KDM2A: variants seen among roughly 807,000 people sequenced by gnomAD.
The protein encoded by KDM2A is lysine-specific demethylase 2A.
A neutral mutation model predicts 137.3 loss-of-function variants in KDM2A; 3 were observed. The ratio of observed to expected loss-of-function variants is 0.02; its 90% CI spans 0.01 to 0.06. KDM2A has a LOEUF of 0.06. Among genes scored for constraint, KDM2A ranks in the 10% least tolerant of loss-of-function variants. The pLI is 1.00. For synonymous variants in KDM2A, 512 were observed against 541.5 expected, an observed-to-expected ratio of 0.95 and a Z score of 0.76; for missense variants, 738 against 1,510.6, an observed-to-expected ratio of 0.49 and a Z score of 8.48.
chr11:67,184,120 G>A (rs1050913426), intron 5 of KDM2A, among the ~76,000 whole-genome samples: 1 of 148,416 alleles, frequency 6.7e-6, no homozygotes, highest in Admixed American at 6.7e-5. Flanking sequence ...AAAAAAGGCA[G>A]GTGGGGCAGT....
Position 67,245,513 on chromosome 11 carries a change from C to T in KDM2A, c.1833+55C>T. The T allele has an allele frequency of 1.9e-6, 3 of 1,576,428 alleles. No individual in the cohort carries two copies. Among genetic ancestry groups the T allele is most frequent in the Non-Finnish European group, 1.7e-6 (2 of 1,149,994 alleles). ...GGGAGGGGTGGCAGTGCCAAAGGAA[C>T]TGAAATACATATAGTGTAGAGTTAA... On this transcript the variant is annotated intron_variant, in intron 14 of 20. Transcript: ENST00000529006. This position sits in a 1 kb window ranked among gnomAD's most constrained non-coding sequence, Gnocchi z 4.1.
intron 5 of KDM2A, among the ~76,000 whole-genome samples, chr11:67,206,419 C>T (rs987732329): frequency 1.3e-5 from 2 of 151,908 alleles, no homozygotes; most frequent in African/African-American, 2.4e-5. Context: ...GGTGACACAG[C>T]GAGACTGTCT....
chr11:67,237,015 G>A (rs760065003), intron 12 of KDM2A, among the ~76,000 whole-genome samples: 1 of 152,204 alleles, frequency 6.6e-6, no homozygotes, highest in Admixed American at 6.5e-5. Context: ...GAGAAAATGA[G>A]TGAGAGTGGC....
intron 2 of KDM2A, among the ~76,000 whole-genome samples, chr11:67,129,745 A>G (rs1486517541): frequency 5.0e-5 from 7 of 140,304 alleles, no homozygotes; most frequent in South Asian, 2.2e-4. Flanking sequence ...AAAAAAAAAA[A>G]AAAAAGAAAA....
chr11:67,226,549 C>T (rs1261853530), intron 10 of KDM2A, among the ~76,000 whole-genome samples: 8 of 151,952 alleles, frequency 5.3e-5, no homozygotes, highest in Non-Finnish European at 1.2e-4. Flanking sequence ...GGTGAAACCC[C>T]GTCTCTACTA....
chr11:67,244,857 G>C (rs1319032463), intron 13 of KDM2A, among the ~76,000 whole-genome samples: 1 of 152,038 alleles, frequency 6.6e-6, no homozygotes, highest in Non-Finnish European at 1.5e-5. Flanking sequence ...ATGGTGGTGG[G>C]CACCTGTAGT....
At chr11:67,246,865 A>C (rs1463486840) in intron 15 of KDM2A, among the ~76,000 whole-genome samples, 1 of 151,612 alleles carries the variant, frequency 6.6e-6, no homozygotes, top group Non-Finnish European at 1.5e-5. Context: ...ATATAGTAGC[A>C]AATCTATAAC....
Position 67,252,853 on chromosome 11 carries a change from G to T in KDM2A, c.2928G>T (p.Leu976=). The T allele has an allele frequency of 6.2e-7, 1 of 1,603,966 alleles. No homozygotes were observed. Among genetic ancestry groups the T allele is most frequent in the South Asian group, 1.1e-5 (1 of 90,710 alleles). ...KKQLTWLVNR[L]PGLKDLLLAG... is the part of the protein sequence containing the mutation. Reference sequence around the variant, plus strand: ...AACTGACATGGCTCGTCAATAGGCTGCCAGGTAAGTGAGCAGCCCTGCCGC... The same window carrying T: ...AACTGACATGGCTCGTCAATAGGCTTCCAGGTAAGTGAGCAGCCCTGCCGC... Residue 976 remains leucine, a synonymous_variant, in exon 18 of 21, where the codon CTG becomes CTT. Transcript: ENST00000529006.
In KDM2A at chr11:67,170,413, T is replaced by C. The variant is rs535298208; in HGVS notation, c.43-9666T>C. On this transcript the variant is annotated intron_variant, in intron 2 of 20. Transcript: ENST00000529006. The stretch of plus-strand genomic sequence containing the variant: ...TTTTTTTTTTTTCTTTCTTTCTTTT[T>C]TTTTTTTTTTTTTTTTTGAGATGGA... Among the ~76,000 whole-genome samples, 29 of 136,144 alleles carry C rather than the reference T, an allele frequency of 2.1e-4. No homozygotes were observed. The East Asian group carries it at 3.9e-3, about 18-fold the overall frequency. 89.3% of individuals were successfully genotyped at this position (136,144 alleles called of 152,430 possible). A position where few individuals can be genotyped will look rare whatever the true frequency, so the allele number is the denominator to read the frequency against.
intron 3 of KDM2A, 178 bp downstream of exon 3, chr11:67,180,395 A>T (rs1857065110): frequency 1.8e-6 from 1 of 543,004 alleles, no homozygotes. Context: ...CCACCCTGTG[A>T]GTCATTCTCT....
intron 18 of KDM2A, 122 bp downstream of exon 18, chr11:67,252,979 C>A: frequency 4.6e-6 from 5 of 1,092,646 alleles, no homozygotes; most frequent in Non-Finnish European, 6.4e-6. Flanking sequence ...AGTCCCATGC[C>A]ATTGTTGCTT....
intron 5 of KDM2A, among the ~76,000 whole-genome samples, chr11:67,202,888 C>T (rs1467205591): frequency 2.7e-5 from 4 of 150,356 alleles, no homozygotes; most frequent in Admixed American, 6.7e-5. Flanking sequence ...CCAGCTACTC[C>T]GGAGGCTAAG....
At position 67,129,173 on chromosome 11, in the gene KDM2A, A is replaced by C. The variant is rs1855794948; in HGVS notation, c.42+7815A>C. ...ATTGGGTCTTGCAGTGTAGATAAGAAACAGAGACCTAAACTATAACAAATA... is the reference window on the plus strand; with the variant it reads ...ATTGGGTCTTGCAGTGTAGATAAGACACAGAGACCTAAACTATAACAAATA... On this transcript the variant is annotated intron_variant, in intron 2 of 20. Transcript: ENST00000529006. Among the ~76,000 whole-genome samples, 3 of 152,170 alleles carry C rather than the reference A, an allele frequency of 2.0e-5. No homozygotes were observed. The South Asian group carries it at 6.2e-4, about 32-fold the overall frequency.
At chr11:67,126,199 T>C (rs1565368776) in intron 2 of KDM2A, among the ~76,000 whole-genome samples, 1 of 147,798 alleles carries the variant, frequency 6.8e-6, no homozygotes, top group Non-Finnish European at 1.5e-5. Flanking sequence ...TGAGCTGAGA[T>C]CATGCCGTTG....
chr11:67,208,448 C>T (rs1387133565), intron 6 of KDM2A, among the ~76,000 whole-genome samples: 4 of 151,606 alleles, frequency 2.6e-5, no homozygotes, highest in African/African-American at 9.7e-5. Flanking sequence ...GAACATTGAC[C>T]TTTGGATGTA....
intron 10 of KDM2A, among the ~76,000 whole-genome samples, chr11:67,224,868 T>G (rs1169471213): frequency 1.6e-5 from 2 of 122,610 alleles, no homozygotes; most frequent in East Asian, 5.0e-4. Flanking sequence ...GGAGACAGAG[T>G]TTCGCTGCTG....
At chr11:67,127,561 T>C (rs559612163) in intron 2 of KDM2A, among the ~76,000 whole-genome samples, 1 of 152,290 alleles carries the variant, frequency 6.6e-6, no homozygotes, top group South Asian at 2.1e-4. Flanking sequence ...CATATAATTA[T>C]GAAATAGCTA....
At chr11:67,219,558 AAT>A in intron 10 of KDM2A, 155 bp downstream of exon 10, 11 of 420,070 alleles carry the variant, frequency 2.6e-5, no homozygotes, top group Non-Finnish European at 3.8e-5. Context: ...TTTTAAATTT[AAT>A]TTTTTTTTTT....
chr11:67,141,683 ATATAT>A (rs796219038), intron 2 of KDM2A, among the ~76,000 whole-genome samples: 1,618 of 88,416 alleles, frequency 0.018, 67 homozygotes, highest in African/African-American at 0.069. Context: ...AAAAAAAAAA[ATATAT>A]ATATATATAT....
Sources: allele counts gnomAD v4.1 joint callset (sites outside exome capture counted in the v4.1 genomes callset), GRCh38; gene constraint gnomAD v4.1.1; non-coding constraint Gnocchi (gnomAD v3.1); transcripts MANE v1.5; gene names NCBI Gene and HGNC (gene_info 2026-07-23, HGNC 2026-07-21).